IL1RAPL1: variants seen among roughly 807,000 people sequenced by gnomAD.
IL1RAPL1 encodes interleukin 1 receptor accessory protein like 1.
Under a neutral mutation model 48.4 loss-of-function variants are expected in IL1RAPL1, and 3 were observed. That is an observed-to-expected ratio of 0.06 (90% CI 0.03 to 0.16). The LOEUF is 0.16. Among genes scored for constraint, IL1RAPL1 ranks in the 10% least tolerant of loss-of-function variants. IL1RAPL1 has a pLI of 1.00. For synonymous variants in IL1RAPL1, 185 were observed against 187.7 expected, an observed-to-expected ratio of 0.99 and a Z score of 0.12; for missense variants, 349 against 530.6, an observed-to-expected ratio of 0.66 and a Z score of 3.36.
intron 2 of IL1RAPL1, among the ~76,000 whole-genome samples, chrX:28,891,553 T>C (rs970659604): frequency 3.6e-5 from 4 of 112,178 alleles, no homozygotes; most frequent in African/African-American, 1.3e-4. Flanking sequence ...AATCATGTAA[T>C]ATGTGGTATT....
At chrX:29,792,023 G>A (rs1929649931) in intron 6 of IL1RAPL1, among the ~76,000 whole-genome samples, 1 of 111,331 alleles carries the variant, frequency 9.0e-6, no homozygotes, top group African/African-American at 3.3e-5. Flanking sequence ...GAGCCACCGT[G>A]CCCAGCCATG....
rs759806215 is a variant in IL1RAPL1, at chrX:28,670,753, A to G, written c.-25+82706A>G. On this transcript the variant is annotated intron_variant, in intron 1 of 10. Coordinates refer to ENST00000378993, the MANE Select transcript of IL1RAPL1 (RefSeq NM_014271.4). ...ACTTAGGAACTTCAAAGGATGAGAT[A>G]AATTCGAATTATTCTAATGACCAGT... Among the ~76,000 whole-genome samples, 24 of 112,295 alleles carry G rather than the reference A, an allele frequency of 2.1e-4. 1 individual carries two copies. Among genetic ancestry groups the G allele is most frequent in the Non-Finnish European group, 3.9e-4 (21 of 53,269 alleles).
intron 1 of IL1RAPL1, among the ~76,000 whole-genome samples, chrX:28,675,793 C>T (rs774848005): frequency 9.0e-6 from 1 of 111,135 alleles, no homozygotes; most frequent in South Asian, 3.8e-4. Context: ...TTGAGGATAA[C>T]AGTGATATAC....
rs369914594 is a variant in IL1RAPL1 at position 29,228,663 on chromosome X, A to G, written c.83-54275A>G. The stretch of plus-strand genomic sequence containing the variant: ...CCACCGCACCTGGCCAGTTTTGCCT[A>G]ATTTTTAAAATCTATTAAGTTTCTT... On this transcript the variant is annotated intron_variant, in intron 2 of 10. Coordinates refer to ENST00000378993, the MANE Select transcript of IL1RAPL1 (RefSeq NM_014271.4). Among the ~76,000 whole-genome samples, 48 of 111,194 alleles carry G rather than the reference A, an allele frequency of 4.3e-4. No homozygotes were observed. The South Asian group carries it at 0.018, about 43-fold the overall frequency.
intron 3 of IL1RAPL1, among the ~76,000 whole-genome samples, chrX:29,334,000 C>T (rs868687912): frequency 5.5e-4 from 40 of 72,266 alleles, no homozygotes; most frequent in Admixed American, 6.5e-4. Flanking sequence ...CCCTCCCGGA[C>T]GGGGCGGCTG....
At chrX:29,096,647 TC>T (rs1319462828) in intron 2 of IL1RAPL1, among the ~76,000 whole-genome samples, 4 of 110,959 alleles carry the variant, frequency 3.6e-5, no homozygotes, top group African/African-American at 1.3e-4. Context: ...AATAAAGACT[TC>T]CTTGAAGAAA....
At chrX:28,940,568 A>G (rs1924140692) in intron 2 of IL1RAPL1, among the ~76,000 whole-genome samples, 1 of 111,024 alleles carries the variant, frequency 9.0e-6, no homozygotes, top group African/African-American at 3.3e-5. Context: ...AAGTTTTAGA[A>G]GACGTCATTA....
intron 1 of IL1RAPL1, among the ~76,000 whole-genome samples, chrX:28,768,697 C>CTCTCTCTCTCTG: frequency 1.4e-5 from 1 of 74,032 alleles, no homozygotes; most frequent in Non-Finnish European, 2.5e-5. Context: ...CTCTCTCTCT[C>CTCTCTCTCTCTG]TCTGTTTCTC....
At position 28,737,174 on chromosome X, in the gene IL1RAPL1, C is replaced by CT. The variant is rs1569161843; in HGVS notation, c.-24-52144dup. Among the ~76,000 whole-genome samples the CT allele has an allele frequency of 7.5e-3, 317 of 42,259 alleles. 2 individuals are homozygous for CT. Among genetic ancestry groups the CT allele is most frequent in the African/African-American group, 0.029 (301 of 10,434 alleles). 36.7% of individuals were successfully genotyped at this position (42,259 alleles called of 115,157 possible). A position where few individuals can be genotyped will look rare whatever the true frequency, so the allele number is the denominator to read the frequency against. On this transcript the variant is annotated intron_variant, in intron 1 of 10. Coordinates refer to ENST00000378993, the MANE Select transcript of IL1RAPL1 (RefSeq NM_014271.4). ...CCTTCCTTCCTTCCTTCCTTCCTTC[C>CT]TTCCTTTCTTTCCTTTCTCTTTCTT...
chrX:29,558,989 C>G (rs2147791469), intron 5 of IL1RAPL1, among the ~76,000 whole-genome samples: 1 of 111,681 alleles, frequency 9.0e-6, no homozygotes, highest in South Asian at 3.7e-4. Context: ...TGTTCTTGCT[C>G]AAGGTTATTA....
chrX:28,823,962 G>A (rs1002624023), intron 2 of IL1RAPL1, among the ~76,000 whole-genome samples: 7 of 111,554 alleles, frequency 6.3e-5, no homozygotes, highest in African/African-American at 2.3e-4. Context: ...ATTCTGCCTA[G>A]TCTACTTAGA....
At chrX:29,405,626 A>G (rs948781643) in intron 5 of IL1RAPL1, among the ~76,000 whole-genome samples, 1 of 106,849 alleles carries the variant, frequency 9.4e-6, no homozygotes, top group Non-Finnish European at 1.9e-5. Context: ...TCGGCCTCCC[A>G]AAGTGCTGGA....
chrX:29,702,926 CAT>C (rs1927092190), intron 6 of IL1RAPL1, among the ~76,000 whole-genome samples: 1 of 112,135 alleles, frequency 8.9e-6, no homozygotes, highest in African/African-American at 3.2e-5. Context: ...ACTAAATGCT[CAT>C]ATGATTCAGT....
chrX:28,898,937 G>A (rs1469497337), intron 2 of IL1RAPL1, among the ~76,000 whole-genome samples: 2 of 111,380 alleles, frequency 1.8e-5, no homozygotes, highest in East Asian at 5.7e-4. Context: ...CTATAGGCAT[G>A]CTCCACCATG....
At chrX:28,690,027 A>G (rs1373521683) in intron 1 of IL1RAPL1, among the ~76,000 whole-genome samples, 1 of 111,894 alleles carries the variant, frequency 8.9e-6, no homozygotes. Context: ...CTGGTTTTCA[A>G]GAACTGCATT....
chrX:29,263,811 AT>A (rs1488829112), intron 2 of IL1RAPL1, among the ~76,000 whole-genome samples: 3 of 102,491 alleles, frequency 2.9e-5, no homozygotes, highest in Non-Finnish European at 5.9e-5. Context: ...AGTCCTTTTT[AT>A]TTGTAATCTC....
At chrX:29,921,656 T>C (rs1161381186) in intron 8 of IL1RAPL1, among the ~76,000 whole-genome samples, 3 of 112,479 alleles carry the variant, frequency 2.7e-5, no homozygotes, top group East Asian at 5.6e-4. Flanking sequence ...TTGAACTTCT[T>C]ATCCTGCCAT....
rs185362529 is a variant in IL1RAPL1, at chrX:28,897,408, G to A, written c.82+107983G>A. ...ACCAGCACGGGAGTTTTGGGTCCACGGATAAAACGCGTCTCCTGTCTCTAC... is the reference window on the plus strand; with the variant it reads ...ACCAGCACGGGAGTTTTGGGTCCACAGATAAAACGCGTCTCCTGTCTCTAC... On this transcript the variant is annotated intron_variant, in intron 2 of 10. Coordinates refer to ENST00000378993, the MANE Select transcript of IL1RAPL1 (RefSeq NM_014271.4). 2.2e-3 allele frequency among the ~76,000 whole-genome samples: 241 copies of A among 111,760 alleles called. 1 individual carries two copies. Among genetic ancestry groups the A allele is most frequent in the African/African-American group, 7.5e-3 (231 of 30,774 alleles).
intron 1 of IL1RAPL1, among the ~76,000 whole-genome samples, chrX:28,783,566 CT>C (rs1936444065): frequency 9.0e-6 from 1 of 111,386 alleles, no homozygotes; most frequent in Non-Finnish European, 1.9e-5. Context: ...AAAAAATTAT[CT>C]TGGTGACCTA....
Sources: gnomAD v4.1 joint callset for allele counts (sites outside exome capture counted in the v4.1 genomes callset) on GRCh38, gnomAD v4.1.1 for gene constraint, MANE v1.5 for transcripts, NCBI Gene and HGNC (gene_info 2026-07-23, HGNC 2026-07-21) for gene names.